Variants in CFAP20DC observed in about 807,000 individuals in gnomAD.
CFAP20DC encodes the protein CFAP20 domain containing.
A neutral mutation model predicts 101.7 loss-of-function variants in CFAP20DC; 84 were observed. That is an observed-to-expected ratio of 0.83 (90% CI 0.69 to 0.99). The LOEUF is 0.99. Ranked by LOEUF, CFAP20DC falls within the 50% of genes least tolerant of loss-of-function variation. The probability of loss-of-function intolerance (pLI) is 0.00; values close to 1 mark genes in which losing one functional copy is unlikely to be tolerated. For missense variants in CFAP20DC, 1,007 were observed against 970.3 expected (o/e 1.04, Z -0.50); for synonymous variants, 359 against 351.2 (o/e 1.02, Z -0.25).
chr3:59,032,202 C>T lies in CFAP20DC; in HGVS notation c.278+7355G>A, dbSNP rs9817378. On this transcript the variant is annotated intron_variant, in intron 4 of 16. Coordinates refer to ENST00000482387, the MANE Select transcript of CFAP20DC (RefSeq NM_001394063.1). Reference sequence around the variant, plus strand: ...CTTTTCCCACGGTCTTCACAACCTGCAGACCAGGAGATTTCCTTGGGTGCC... The same window carrying T: ...CTTTTCCCACGGTCTTCACAACCTGTAGACCAGGAGATTTCCTTGGGTGCC... Among the ~76,000 whole-genome samples, 351 of 152,294 alleles carry T rather than the reference C, an allele frequency of 2.3e-3. 3 individuals carry two copies. The highest frequency in any genetic ancestry group is 8.3e-3 in the African/African-American group (343 of 41,558).
intron 6 of CFAP20DC, among the ~76,000 whole-genome samples, chr3:58,890,810 C>T (rs2082160518): frequency 6.7e-6 from 1 of 149,110 alleles, no homozygotes; most frequent in Non-Finnish European, 1.5e-5. Context: ...GAGGCGCTCC[C>T]CACATCTCAG....
At position 58,861,636 on chromosome 3, in the gene CFAP20DC, T is replaced by C. The variant is rs2079255685; in HGVS notation, c.1593+1922A>G. 22 of 985,364 alleles carry C rather than the reference T, an allele frequency of 2.2e-5. No individual in the cohort carries two copies. Among genetic ancestry groups the C allele is most frequent in the Non-Finnish European group, 2.5e-5 (21 of 829,938 alleles). 61.0% of individuals were successfully genotyped at this position (985,364 alleles called of 1,614,324 possible). A position where few individuals can be genotyped will look rare whatever the true frequency, so the allele number is the denominator to read the frequency against. ...TTTTGTTGGTCCTATTTTTGTATCT[T>C]AGCTTGTATCTCGTTAGTCTCTGTA... On this transcript the variant is annotated intron_variant, in intron 12 of 16. Coordinates refer to ENST00000482387, the MANE Select transcript of CFAP20DC (RefSeq NM_001394063.1). The surrounding 1 kb of genome is among the most constrained non-coding windows in gnomAD (Gnocchi z 4.0).
chr3:58,924,572 T>A (rs1241526146), intron 5 of CFAP20DC, among the ~76,000 whole-genome samples: 2 of 152,140 alleles, frequency 1.3e-5, no homozygotes, highest in African/African-American at 4.8e-5. Flanking sequence ...GAGGATTTCT[T>A]TTCCTTAGGG....
intron 14 of CFAP20DC, among the ~76,000 whole-genome samples, chr3:58,807,280 C>A (rs1415825160): frequency 6.6e-6 from 1 of 152,148 alleles, no homozygotes; most frequent in Admixed American, 6.5e-5. Flanking sequence ...GGTCCCTGAC[C>A]CCTGACCTCC....
chr3:58,941,759 G>A (rs576704213), intron 4 of CFAP20DC, among the ~76,000 whole-genome samples: 202 of 152,070 alleles, frequency 1.3e-3, no homozygotes, highest in African/African-American at 4.6e-3. Flanking sequence ...TAGTAGCGAT[G>A]GGGTTTCACC....
At chr3:58,844,576 C>G (rs1195279588) in intron 13 of CFAP20DC, among the ~76,000 whole-genome samples, 2 of 127,080 alleles carry the variant, frequency 1.6e-5, no homozygotes, top group Admixed American at 1.5e-4. Flanking sequence ...GACTTTAACA[C>G]CCCACTGTCA....
At chr3:58,915,149 T>C (rs2084549667) in intron 5 of CFAP20DC, among the ~76,000 whole-genome samples, 1 of 151,766 alleles carries the variant, frequency 6.6e-6, no homozygotes, top group South Asian at 2.1e-4. Context: ...AGGTGGGAGA[T>C]GGGGTTGGGC....
In CFAP20DC at chr3:58,913,553, G is replaced by C. The variant is rs1576280106; in HGVS notation, c.550+155C>G. 1.6e-5 allele frequency: 11 copies of C among 701,284 alleles called. No individual in the cohort carries two copies. The highest frequency in any genetic ancestry group is 2.9e-4 in the Middle Eastern group (1 of 3,494). The allele number at this position is 701,284 out of a possible 1,614,324, so 43.4% of individuals were successfully genotyped here. On this transcript the variant is annotated intron_variant, in intron 6 of 16. Transcript: ENST00000482387. The surrounding 1 kb of genome is among the most constrained non-coding windows in gnomAD (Gnocchi z 4.4). ...TCAGCTATAGTAAAAATAAACATTT[G>C]ATCTAGAACAAAGAAATCAGCATGA...
chr3:59,032,516 G>A (rs2094015998), intron 4 of CFAP20DC, among the ~76,000 whole-genome samples: 1 of 152,114 alleles, frequency 6.6e-6, no homozygotes, highest in African/African-American at 2.4e-5. Context: ...GGTGGGGGGA[G>A]GGGCATCCAC....
intron 15 of CFAP20DC, among the ~76,000 whole-genome samples, chr3:58,777,826 C>T (rs568699106): frequency 2.6e-5 from 4 of 152,120 alleles, no homozygotes; most frequent in Non-Finnish European, 4.4e-5. Context: ...TAAGACAAGG[C>T]GCTGTCTGGA....
chr3:58,844,507 T>C (rs1325919049), intron 13 of CFAP20DC, among the ~76,000 whole-genome samples: 1 of 141,308 alleles, frequency 7.1e-6, no homozygotes, highest in Non-Finnish European at 1.5e-5. Flanking sequence ...CCCAGATTCA[T>C]AAAGCAAGTC....
chr3:58,890,181 GC>G (rs2082043509), intron 6 of CFAP20DC, among the ~76,000 whole-genome samples: 1 of 149,816 alleles, frequency 6.7e-6, no homozygotes, highest in Non-Finnish European at 1.5e-5. Flanking sequence ...TGGGCAGGGG[GC>G]TGACCCCCCC....
intron 4 of CFAP20DC, among the ~76,000 whole-genome samples, chr3:58,948,245 G>T (rs1204277489): frequency 6.6e-6 from 1 of 152,154 alleles, no homozygotes; most frequent in Non-Finnish European, 1.5e-5. Context: ...TCATGCCTTT[G>T]CTTATGCACT....
intron 4 of CFAP20DC, among the ~76,000 whole-genome samples, chr3:59,026,957 C>G (rs758964785): frequency 3.9e-5 from 6 of 152,136 alleles, no homozygotes; most frequent in Non-Finnish European, 7.4e-5. Context: ...GACCTAAACT[C>G]CGTAAAATTC....
chr3:58,817,336 T>G (rs1254789412), intron 14 of CFAP20DC, among the ~76,000 whole-genome samples: 10 of 152,078 alleles, frequency 6.6e-5, no homozygotes, highest in South Asian at 2.1e-4. Flanking sequence ...ACGATCAAAT[T>G]ACTCTGAGCT....
rs752680305 is a variant in CFAP20DC at position 58,912,735 on chromosome 3, T to G, written c.550+973A>C. On this transcript the variant is annotated intron_variant, in intron 6 of 16. Coordinates refer to ENST00000482387, the MANE Select transcript of CFAP20DC (RefSeq NM_001394063.1). The surrounding 1 kb of genome is among the most constrained non-coding windows in gnomAD (Gnocchi z 4.4). Reference sequence around the variant, plus strand: ...TGCTACCTTATGAATTCCAGGGAGCTGAGTTACCTGCAGAGTATATTTATA... The same window carrying G: ...TGCTACCTTATGAATTCCAGGGAGCGGAGTTACCTGCAGAGTATATTTATA... 7 of 456,410 alleles carry G rather than the reference T, an allele frequency of 1.5e-5. No individual in the cohort carries two copies. The Middle Eastern group carries it at 9.8e-4, about 64-fold the overall frequency. 28.3% of individuals were successfully genotyped at this position (456,410 alleles called of 1,614,324 possible). A position where few individuals can be genotyped will look rare whatever the true frequency, so the allele number is the denominator to read the frequency against.
chr3:58,959,382 C>T lies in CFAP20DC; in HGVS notation c.279-21620G>A, dbSNP rs542211147. On this transcript the variant is annotated intron_variant, in intron 4 of 16. Transcript: ENST00000482387. ...GTGTTGGGATTACAGGCGTAAGCCA[C>T]TGCGTCTGGCCAAAGTCTTATATTT... Among the ~76,000 whole-genome samples, 9 of 152,336 alleles carry T rather than the reference C, an allele frequency of 5.9e-5. No individual in the cohort carries two copies. In the South Asian group the frequency reaches 1.9e-3, roughly 32 times the overall value.
rs2093579411 is a variant in CFAP20DC at position 59,011,380 on chromosome 3, A to G, written c.278+28177T>C. ...ACCACTACACTCCAGCCTGGGTGAC[A>G]GAGCAAGGCTCCATCTCAAAAAAAA... On this transcript the variant is annotated intron_variant, in intron 4 of 16. Transcript: ENST00000482387. Among the ~76,000 whole-genome samples the G allele has an allele frequency of 2.0e-5, 3 of 150,506 alleles. No individual in the cohort carries two copies. In the South Asian group the frequency reaches 6.3e-4, roughly 32 times the overall value.
chr3:58,895,944 C>T (rs2082635931), intron 6 of CFAP20DC, among the ~76,000 whole-genome samples: 2 of 152,200 alleles, frequency 1.3e-5, no homozygotes, highest in South Asian at 4.1e-4. Context: ...ATTACAAGAA[C>T]AGCACAAGAA....
Sources: allele counts gnomAD v4.1 joint callset (sites outside exome capture counted in the v4.1 genomes callset), GRCh38; gene constraint gnomAD v4.1.1; non-coding constraint Gnocchi (gnomAD v3.1); transcripts MANE v1.5; gene names NCBI Gene and HGNC (gene_info 2026-07-23, HGNC 2026-07-21).